Variants in MTOR observed in about 807,000 individuals in gnomAD.
The protein encoded by MTOR is mechanistic target of rapamycin kinase.
A neutral mutation model predicts 319.8 loss-of-function variants in MTOR; 70 were observed. That is an observed-to-expected ratio of 0.22 (90% CI 0.18 to 0.27). The LOEUF (loss-of-function observed/expected upper bound fraction) is 0.27. Ranked by LOEUF, MTOR falls within the 10% of genes least tolerant of loss-of-function variation. MTOR has a pLI of 1.00. For synonymous variants in MTOR, 1,183 were observed against 1,211.4 expected (o/e 0.98, Z 0.49); for missense variants, 1,890 against 3,274.4 (o/e 0.58, Z 10.32).
chr1:11,205,214 AT>A (rs1352083528), intron 25 of MTOR, among the ~76,000 whole-genome samples: 2 of 152,212 alleles, frequency 1.3e-5, no homozygotes, highest in African/African-American at 4.8e-5. Context: ...TTTCTACTCT[AT>A]CCCCTCCAAC....
At chr1:11,163,061 A>G (rs1470063405) in intron 29 of MTOR, among the ~76,000 whole-genome samples, 2 of 152,224 alleles carry the variant, frequency 1.3e-5, no homozygotes, top group African/African-American at 4.8e-5. Context: ...AGACACACAC[A>G]TAGGCTCAAA....
At chr1:11,135,459 G>C (rs1443173469) in intron 36 of MTOR, among the ~76,000 whole-genome samples, 1 of 152,176 alleles carries the variant, frequency 6.6e-6, no homozygotes, top group Non-Finnish European at 1.5e-5. Flanking sequence ...TGCTGCAGAA[G>C]AAGGAAAAAA....
intron 31 of MTOR, among the ~76,000 whole-genome samples, 165 bp from the exon 32 acceptor site, chr1:11,146,956 A>G (rs1643949955): frequency 6.6e-6 from 1 of 152,140 alleles, no homozygotes. Flanking sequence ...GCCCCTATAC[A>G]CACTATGCAG....
At chr1:11,259,640 G>A (rs1475623218) in intron 1 of MTOR, among the ~76,000 whole-genome samples, 1 of 152,174 alleles carries the variant, frequency 6.6e-6, no homozygotes, top group Non-Finnish European at 1.5e-5. Context: ...AGGTTAAATT[G>A]TGGGCTATCG....
Position 11,246,412 on chromosome 1 carries a change from A to G in MTOR, c.1225+1213T>C, listed in dbSNP as rs553594730. On this transcript the variant is annotated intron_variant, in intron 8 of 57. Transcript: ENST00000361445. ...GAACAGCAGCCTGTCTGGTCATTAA[A>G]AAAGAGAAAAGCTGCTGGGTGCCAG... Among the ~76,000 whole-genome samples the G allele has an allele frequency of 2.6e-5, 4 of 152,382 alleles. No homozygotes were observed. In the East Asian group the frequency reaches 7.7e-4, roughly 29 times the overall value.
intron 20 of MTOR, among the ~76,000 whole-genome samples, chr1:11,214,732 A>G (rs1022680956): frequency 6.6e-6 from 1 of 152,224 alleles, no homozygotes; most frequent in African/African-American, 2.4e-5. Context: ...GGAGAGAAGT[A>G]TTCTCTCTGA....
chr1:11,152,401 A>G (rs11581010), intron 30 of MTOR: 28,178 of 152,144 alleles, frequency 0.19, 2,904 homozygotes, highest in Non-Finnish European at 0.24. Context: ...CAGAGAAGAT[A>G]GCATGGTCCC....
intron 5 of MTOR, 88 bp downstream of exon 5, chr1:11,255,904 T>A (rs533676623): frequency 8.1e-7 from 1 of 1,228,782 alleles, no homozygotes; most frequent in Admixed American, 2.5e-5. Flanking sequence ...TCTTGCTCCA[T>A]GGCAAGGGCT....
intron 28 of MTOR, among the ~76,000 whole-genome samples, chr1:11,185,777 G>C (rs1645299661): frequency 6.6e-6 from 1 of 152,098 alleles, no homozygotes; most frequent in Admixed American, 6.5e-5. Flanking sequence ...GAATGGGATG[G>C]AGTGCTAGAA....
In MTOR at chr1:11,157,280, A is replaced by G. The variant is rs908587828; in HGVS notation, c.4341T>C (p.Ala1447=). Residue 1447 remains alanine, a synonymous_variant, in exon 30 of 58, where the codon GCT becomes GCC. Transcript: ENST00000361445. ...MKHFGELEIQ[A]TWYEKLHEWE... The stretch of plus-strand genomic sequence containing the variant: ...ACTCGTGCAGTTTCTCATACCAGGT[A>G]GCCTGGATCTCCTGTTACATGGGAA... The G allele has an allele frequency of 3.1e-6, 5 of 1,613,232 alleles. No individual in the cohort carries two copies. The highest frequency in any genetic ancestry group is 1.1e-5 in the South Asian group (1 of 90,918).
At chr1:11,233,677 G>A (rs964033505) in intron 14 of MTOR, among the ~76,000 whole-genome samples, 190 bp from the exon 15 acceptor site, 1 of 152,224 alleles carries the variant, frequency 6.6e-6, no homozygotes, top group Non-Finnish European at 1.5e-5. Flanking sequence ...AGTCTGACAT[G>A]TGAGAGAGCT....
intron 31 of MTOR, among the ~76,000 whole-genome samples, chr1:11,148,847 G>A (rs1644035971): frequency 6.6e-6 from 1 of 151,930 alleles, no homozygotes. Context: ...GCAGTGAGCC[G>A]AGATCGTGCC....
intron 28 of MTOR, among the ~76,000 whole-genome samples, chr1:11,184,147 C>G (rs775174550): frequency 1.3e-5 from 2 of 152,080 alleles, no homozygotes; most frequent in East Asian, 3.8e-4. Context: ...GTTATTTAAC[C>G]CTTTGCTTTA....
intron 36 of MTOR, among the ~76,000 whole-genome samples, chr1:11,136,794 T>G (rs1643440502): frequency 6.7e-6 from 1 of 149,956 alleles, no homozygotes; most frequent in African/African-American, 2.5e-5. Flanking sequence ...TGAACCACCC[T>G]TTAGTTTTTT....
intron 20 of MTOR, among the ~76,000 whole-genome samples, chr1:11,214,685 C>T (rs147443934): frequency 8.7e-4 from 133 of 152,298 alleles, no homozygotes; most frequent in African/African-American, 3.1e-3. Context: ...AAAAACTATA[C>T]TAGAAGATGC....
chr1:11,142,402 C>T (rs1643756136), intron 34 of MTOR, among the ~76,000 whole-genome samples: 1 of 152,168 alleles, frequency 6.6e-6, no homozygotes, highest in South Asian at 2.1e-4. Context: ...GATTCTCCTG[C>T]CTCAGCCTCC....
At chr1:11,136,725 A>G (rs962882469) in intron 36 of MTOR, among the ~76,000 whole-genome samples, 3 of 151,630 alleles carry the variant, frequency 2.0e-5, no homozygotes, top group African/African-American at 7.3e-5. Flanking sequence ...TTGGTCTCAA[A>G]TTCCTGGGCT....
intron 19 of MTOR, among the ~76,000 whole-genome samples, chr1:11,221,895 C>T (rs61773703): frequency 0.082 from 12,300 of 150,418 alleles, 674 homozygotes; most frequent in Middle Eastern, 0.14. Flanking sequence ...TGACAGTCTT[C>T]TTTGAGTGAC....
chr1:11,245,188 G>A (rs878893951), intron 8 of MTOR, among the ~76,000 whole-genome samples: 1 of 152,142 alleles, frequency 6.6e-6, no homozygotes, highest in Admixed American at 6.5e-5. Context: ...ATGGGTAGGC[G>A]ATTCTCATAC....
Sources: gnomAD v4.1 joint callset for allele counts (sites outside exome capture counted in the v4.1 genomes callset) on GRCh38, gnomAD v4.1.1 for gene constraint, MANE v1.5 for transcripts, NCBI Gene and HGNC (gene_info 2026-07-23, HGNC 2026-07-21) for gene names.